Variants in GLYR1 observed in about 807,000 individuals in gnomAD.
GLYR1 encodes cytokine-like nuclear factor N-PAC.
A neutral mutation model predicts 72.7 loss-of-function variants in GLYR1; 21 were observed. The observed-to-expected ratio is 0.29, with a 90% CI of 0.20 to 0.42. The LOEUF (loss-of-function observed/expected upper bound fraction) is 0.42. Ranked by LOEUF, GLYR1 falls within the 10% of genes least tolerant of loss-of-function variation. The pLI is 1.00. For synonymous variants in GLYR1, 392 were observed against 270.2 expected, an observed-to-expected ratio of 1.45 and a Z score of -4.42; for missense variants, 594 against 712.1, an observed-to-expected ratio of 0.83 and a Z score of 1.89.
intron 3 of GLYR1, among the ~76,000 whole-genome samples, chr16:4,838,541 T>C (rs920093559): frequency 6.6e-6 from 1 of 152,058 alleles, no homozygotes; most frequent in African/African-American, 2.4e-5. Flanking sequence ...GTAATTTAAA[T>C]GAACACTCCC....
chr16:4,818,618 C>G (rs1411880035), intron 9 of GLYR1, among the ~76,000 whole-genome samples: 1 of 152,200 alleles, frequency 6.6e-6, no homozygotes, highest in African/African-American at 2.4e-5. Flanking sequence ...GAATCCACCA[C>G]AAGTCACTGA....
rs1305138976 is a variant in GLYR1 at position 4,822,730 on chromosome 16, G to A, written c.681+145C>T. 3 of 681,686 alleles carry A rather than the reference G, an allele frequency of 4.4e-6. No individual in the cohort carries two copies. In the East Asian group the frequency reaches 7.6e-5, roughly 17 times the overall value. The allele number at this position is 681,686 out of a possible 1,614,324, so 42.2% of individuals were successfully genotyped here. A position where few individuals can be genotyped will look rare whatever the true frequency, so the allele number is the denominator to read the frequency against. Reference sequence around the variant, plus strand: ...CTTAACAATGCTTGGCTCATTAGCGGGCCCATATGGGGGCTTCTGGGCTAG... The same window carrying A: ...CTTAACAATGCTTGGCTCATTAGCGAGCCCATATGGGGGCTTCTGGGCTAG... On this transcript the variant is annotated intron_variant, in intron 7 of 15. Transcript: ENST00000321919.
Position 4,823,930 on chromosome 16 carries a change from T to A in GLYR1, c.538-23A>T, listed in dbSNP as rs62036112. ...ATCCTATAGAGGGAGGGGCAGGGCATTTTAAAATCACATTCAAACCCCAAC... is the reference window on the plus strand; with the variant it reads ...ATCCTATAGAGGGAGGGGCAGGGCAATTTAAAATCACATTCAAACCCCAAC... On this transcript the variant is annotated intron_variant, in intron 5 of 15. Coordinates refer to ENST00000321919, the MANE Select transcript of GLYR1 (RefSeq NM_032569.4). 7.3e-3 allele frequency: 11,569 copies of A among 1,592,804 alleles called. 52 individuals are homozygous for A. The highest frequency in any genetic ancestry group is 8.6e-3 in the Non-Finnish European group (10,006 of 1,160,904).
At chr16:4,807,336 C>A (rs537987323) in intron 15 of GLYR1, among the ~76,000 whole-genome samples, 17 of 152,082 alleles carry the variant, frequency 1.1e-4, no homozygotes, top group African/African-American at 3.9e-4. Flanking sequence ...TGATCTCGAA[C>A]TCCTGACCTC....
At position 4,831,212 on chromosome 16, in the gene GLYR1, G is replaced by C. The variant is rs58917254; in HGVS notation, c.537+767C>G. Among the ~76,000 whole-genome samples, 4 of 152,072 alleles carry C rather than the reference G, an allele frequency of 2.6e-5. No homozygotes were observed. The East Asian group carries it at 7.7e-4, about 29-fold the overall frequency. ...CCTCTGAAGTGCCTCTCACCTCTTT[G>C]CTTGCAACATTTGCAATTACCCCCT... On this transcript the variant is annotated intron_variant, in intron 5 of 15. Transcript: ENST00000321919.
chr16:4,809,285 G>T (rs1346046154), intron 15 of GLYR1, among the ~76,000 whole-genome samples: 2 of 147,178 alleles, frequency 1.4e-5, no homozygotes, highest in East Asian at 4.3e-4. Flanking sequence ...CCGCCTCCCA[G>T]GTTCAAGCAA....
intron 3 of GLYR1, 152 bp from the exon 4 acceptor site, chr16:4,833,064 A>G (rs1326618908): frequency 2.0e-5 from 12 of 585,982 alleles, no homozygotes; most frequent in South Asian, 6.6e-5. Flanking sequence ...GCTATCAACC[A>G]TCTCAGAGTC....
In GLYR1 at chr16:4,804,863, G is replaced by C. The variant is rs914562346; in HGVS notation, c.*373C>G. 7.8e-6 allele frequency: 2 copies of C among 257,030 alleles called. No homozygotes were observed. Among genetic ancestry groups the C allele is most frequent in the African/African-American group, 4.3e-5 (2 of 46,668 alleles). 15.9% of individuals were successfully genotyped at this position (257,030 alleles called of 1,614,324 possible). ...AGTTCCTTGACTGGAAGGGGTTTGAGATAAGACAAGCTCGGAAGAAAAAAA... is the reference window on the plus strand; with the variant it reads ...AGTTCCTTGACTGGAAGGGGTTTGACATAAGACAAGCTCGGAAGAAAAAAA... On this transcript the variant is annotated 3_prime_UTR_variant, in exon 16 of 16. Transcript: ENST00000321919.
At chr16:4,839,415 A>C (rs952332256) in intron 3 of GLYR1, 2 of 152,156 alleles carry the variant, frequency 1.3e-5, no homozygotes, top group African/African-American at 4.8e-5. Flanking sequence ...TTAAACCGTG[A>C]GCTCTGTCTC....
intron 15 of GLYR1, among the ~76,000 whole-genome samples, chr16:4,806,698 A>G (rs1189783133): frequency 2.0e-5 from 3 of 151,670 alleles, no homozygotes; most frequent in African/African-American, 7.3e-5. Context: ...GGCAAGATTA[A>G]CTCTATCTTA....
intron 11 of GLYR1, 62 bp from the exon 12 acceptor site, chr16:4,813,900 C>G: frequency 7.8e-7 from 1 of 1,278,852 alleles, no homozygotes; most frequent in Non-Finnish European, 1.1e-6. Flanking sequence ...AGGAGCCCTA[C>G]AGACCTCAGA....
intron 15 of GLYR1, among the ~76,000 whole-genome samples, chr16:4,806,702 T>C (rs1434229264): frequency 1.3e-5 from 2 of 151,966 alleles, no homozygotes; most frequent in East Asian, 1.9e-4. Context: ...AGATTAACTC[T>C]ATCTTAAGGA....
rs1211942144 is a variant in GLYR1, at chr16:4,841,755, T to A, written c.155+3319A>T. 3.3e-5 allele frequency among the ~76,000 whole-genome samples: 5 copies of A among 152,334 alleles called. No homozygotes were observed. In the South Asian group the frequency reaches 8.3e-4, roughly 25 times the overall value. ...TTTTGTTTCAGACTTGTGTAATTAT[T>A]CATTTAGCTAATGAAGTTTGGGCCA... On this transcript the variant is annotated intron_variant, in intron 3 of 15. Transcript: ENST00000321919.
At chr16:4,820,743 G>T (rs1018293334) in intron 9 of GLYR1, among the ~76,000 whole-genome samples, 4 of 152,202 alleles carry the variant, frequency 2.6e-5, no homozygotes, top group Non-Finnish European at 5.9e-5. Context: ...CCTAGAAAAG[G>T]TATCTTTTTG....
chr16:4,830,703 G>A (rs941503633), intron 5 of GLYR1, among the ~76,000 whole-genome samples: 1 of 152,268 alleles, frequency 6.6e-6, no homozygotes, highest in East Asian at 1.9e-4. Flanking sequence ...TCCTGACACA[G>A]TCCCCTTCAC....
At chr16:4,837,229 C>T (rs767597908) in intron 3 of GLYR1, among the ~76,000 whole-genome samples, 1 of 152,036 alleles carries the variant, frequency 6.6e-6, no homozygotes, top group Non-Finnish European at 1.5e-5. Flanking sequence ...GCCAGGAATT[C>T]GACACCAGCC....
At chr16:4,821,358 G>A (rs2084012756) in intron 9 of GLYR1, 22 bp downstream of exon 9, 1 of 1,611,224 alleles carries the variant, frequency 6.2e-7, no homozygotes, top group African/African-American at 1.3e-5. Context: ...GCCACTGGAG[G>A]CCTTTTCATC....
chr16:4,816,956 T>C lies in GLYR1; in HGVS notation c.906+642A>G, dbSNP rs1440148448. Among the ~76,000 whole-genome samples, 17 of 151,494 alleles carry C rather than the reference T, an allele frequency of 1.1e-4. No homozygotes were observed. In the South Asian group the frequency reaches 3.4e-3, roughly 30 times the overall value. ...GAGCCGAGATTGTGCCATTTTTTTT[T>C]TTTTTTGAGACGGAGTCTTGTTCTG... On this transcript the variant is annotated intron_variant, in intron 10 of 15. Transcript: ENST00000321919.
intron 12 of GLYR1, 135 bp from the exon 13 acceptor site, chr16:4,812,383 G>C (rs1378994433): frequency 1.9e-5 from 17 of 907,650 alleles, no homozygotes; most frequent in Middle Eastern, 2.7e-4. Context: ...CCCATACCAA[G>C]GTCCTTTAGC....
Sources: allele counts gnomAD v4.1 joint callset (sites outside exome capture counted in the v4.1 genomes callset), GRCh38; gene constraint gnomAD v4.1.1; transcripts MANE v1.5; gene names NCBI Gene and HGNC (gene_info 2026-07-23, HGNC 2026-07-21).